LRP1B: variants seen among roughly 807,000 people sequenced by gnomAD.
LRP1B encodes the protein low-density lipoprotein receptor-related protein 1B.
Under a neutral mutation model 556.6 loss-of-function variants are expected in LRP1B, and 217 were observed. The observed-to-expected ratio is 0.39, with a 90% CI of 0.35 to 0.44. The LOEUF is 0.44. Among genes scored for constraint, LRP1B ranks in the 20% least tolerant of loss-of-function variants. The pLI is 1.00. For missense variants in LRP1B, 5,053 were observed against 5,620.8 expected, an observed-to-expected ratio of 0.90 and a Z score of 3.23; for synonymous variants, 2,047 against 1,865.8, an observed-to-expected ratio of 1.10 and a Z score of -2.50.
At chr2:141,424,367 C>T (rs2104970675) in intron 3 of LRP1B, among the ~76,000 whole-genome samples, 1 of 152,286 alleles carries the variant, frequency 6.6e-6, no homozygotes, top group East Asian at 1.9e-4. Flanking sequence ...CTGCCACAGC[C>T]TCCCAAAGTG....
At chr2:140,735,829 G>A (rs1395375973) in intron 35 of LRP1B, among the ~76,000 whole-genome samples, 1 of 152,154 alleles carries the variant, frequency 6.6e-6, no homozygotes, top group Non-Finnish European at 1.5e-5. Flanking sequence ...GGCCTCAAAA[G>A]GGAGGATAGA....
rs1435987644 is a variant in LRP1B at position 141,780,010 on chromosome 2, C to G, written c.205+30269G>C. ...TCTTTGGTCATGCTTCACAATATTT[C>G]TAGAAATTAAAGATTATAAACCTAG... is the stretch of plus-strand genomic sequence containing the variant. On this transcript the variant is annotated intron_variant, in intron 2 of 90. Coordinates refer to ENST00000389484, the MANE Select transcript of LRP1B (RefSeq NM_018557.3). Among the ~76,000 whole-genome samples the G allele has an allele frequency of 2.0e-5, 3 of 150,230 alleles. No individual in the cohort carries two copies. The Admixed American group carries it at 2.0e-4, about 10-fold the overall frequency.
chr2:141,676,787 A>G (rs777346237), intron 2 of LRP1B, among the ~76,000 whole-genome samples: 1 of 152,060 alleles, frequency 6.6e-6, no homozygotes, highest in African/African-American at 2.4e-5. Flanking sequence ...TCAATTTTGT[A>G]TTTCTCTTTA....
Position 141,408,141 on chromosome 2 carries a change from A to ATTTTT in LRP1B, c.343+72250_343+72254dup, listed in dbSNP as rs35914905. On this transcript the variant is annotated intron_variant, in intron 3 of 90. Transcript: ENST00000389484. ...TTAAAAATGCAAGGAATTTGGTTCA[A>ATTTTT]TTTTTTTTTTTTTTTTTTTGAGATG... 1.8e-4 allele frequency among the ~76,000 whole-genome samples: 22 copies of ATTTTT among 123,944 alleles called. 2 individuals are homozygous for ATTTTT. Among genetic ancestry groups the ATTTTT allele is most frequent in the Middle Eastern group, 9.6e-3 (2 of 208 alleles). 81.3% of individuals were successfully genotyped at this position (123,944 alleles called of 152,430 possible).
At chr2:141,509,092 T>C (rs1261584994) in intron 2 of LRP1B, among the ~76,000 whole-genome samples, 1 of 152,122 alleles carries the variant, frequency 6.6e-6, no homozygotes, top group African/African-American at 2.4e-5. Flanking sequence ...CGGGTATCCA[T>C]GTTTCCAATT....
chr2:142,019,442 C>T (rs954427618), intron 1 of LRP1B, among the ~76,000 whole-genome samples: 1 of 152,262 alleles, frequency 6.6e-6, no homozygotes, highest in East Asian at 1.9e-4. Context: ...GCCGTTTCTG[C>T]TCAGAAACTG....
intron 2 of LRP1B, among the ~76,000 whole-genome samples, chr2:141,643,361 T>G (rs1689417968): frequency 6.6e-6 from 1 of 152,044 alleles, no homozygotes; most frequent in South Asian, 2.1e-4. Flanking sequence ...AATTAAGTGG[T>G]AAAGGGTATT....
At chr2:141,356,570 T>A (rs919985799) in intron 3 of LRP1B, among the ~76,000 whole-genome samples, 1 of 132,434 alleles carries the variant, frequency 7.6e-6, no homozygotes, top group Admixed American at 7.2e-5. Flanking sequence ...CCTTTTGAGA[T>A]GATAAGAGGT....
rs760133840 is a variant in LRP1B at position 140,923,007 on chromosome 2, G to A, written c.3277C>T (p.Arg1093Ter). The A allele has an allele frequency of 1.9e-6, 3 of 1,612,970 alleles. No individual in the cohort carries two copies. Among genetic ancestry groups the A allele is most frequent in the East Asian group, 2.2e-5 (1 of 44,810 alleles). The change falls in exon 21 of 91, where the codon CGA becomes TGA. Residue 1093 changes from arginine to a stop codon, truncating the protein, a stop_gained. Coordinates refer to ENST00000389484, the MANE Select transcript of LRP1B (RefSeq NM_018557.3). LOFTEE classifies it high-confidence loss of function. ...SDEKGCNGTI[R>*]LCDHKTKFSC... ...AACTTGGTTTTGTGGTCACACAATC[G>A]TATGGTACCATTGCAACCTTTTTCA...
rs1686339650 is a variant in LRP1B, at chr2:141,300,240, A to C, written c.344-45599T>G. 2.0e-5 allele frequency among the ~76,000 whole-genome samples: 3 copies of C among 152,320 alleles called. 1 individual carries two copies. The highest frequency in any genetic ancestry group is 4.1e-4 in the South Asian group (2 of 4,832). ...CTATGGTACTCTGTGATATCAGCTA[A>C]AACTGACTAAGACAACTGCTTTGGA... On this transcript the variant is annotated intron_variant, in intron 3 of 90. Transcript: ENST00000389484.
At chr2:141,243,579 G>T (rs190741350) in intron 5 of LRP1B, among the ~76,000 whole-genome samples, 3 of 152,040 alleles carry the variant, frequency 2.0e-5, no homozygotes, top group Non-Finnish European at 2.9e-5. Flanking sequence ...TTGTAGTCTT[G>T]TATGTCTCCT....
intron 2 of LRP1B, among the ~76,000 whole-genome samples, chr2:141,549,869 C>A (rs1389074318): frequency 1.3e-5 from 2 of 152,078 alleles, no homozygotes; most frequent in Non-Finnish European, 2.9e-5. Context: ...GTGGTGCATG[C>A]CCATAATCCC....
intron 1 of LRP1B, among the ~76,000 whole-genome samples, chr2:141,902,936 A>G (rs1298344682): frequency 6.6e-6 from 1 of 151,950 alleles, no homozygotes; most frequent in African/African-American, 2.4e-5. Flanking sequence ...TAGAAAATAA[A>G]AAGTAGGCTA....
intron 11 of LRP1B, among the ~76,000 whole-genome samples, chr2:141,032,616 T>A (rs939115293): frequency 6.6e-6 from 1 of 152,002 alleles, no homozygotes; most frequent in African/African-American, 2.4e-5. Context: ...AAAATTTGTA[T>A]TTCTTCTTCT....
At chr2:140,534,517 C>G (rs540248878) in intron 46 of LRP1B, among the ~76,000 whole-genome samples, 1 of 152,142 alleles carries the variant, frequency 6.6e-6, no homozygotes, top group Non-Finnish European at 1.5e-5. Context: ...TTCCTATATC[C>G]TTTGCATCTA....
chr2:140,804,141 A>T (rs1480161717), intron 32 of LRP1B, among the ~76,000 whole-genome samples: 1 of 152,090 alleles, frequency 6.6e-6, no homozygotes, highest in Non-Finnish European at 1.5e-5. Context: ...GAGACTCCTT[A>T]AGGTGAACTA....
chr2:141,414,237 C>CAAA (rs775634408), intron 3 of LRP1B, among the ~76,000 whole-genome samples: 1 of 35,390 alleles, frequency 2.8e-5, no homozygotes, highest in Non-Finnish European at 5.7e-5. Context: ...GACTCTATCT[C>CAAA]AAAAAAAAAA....
chr2:141,859,474 A>T (rs1009200863), intron 1 of LRP1B, among the ~76,000 whole-genome samples: 5 of 152,224 alleles, frequency 3.3e-5, no homozygotes, highest in African/African-American at 1.2e-4. Context: ...GACCAATATC[A>T]GTAACTTAGG....
intron 2 of LRP1B, among the ~76,000 whole-genome samples, chr2:141,634,575 T>TC (rs1332035114): frequency 6.6e-6 from 1 of 152,006 alleles, no homozygotes; most frequent in African/African-American, 2.4e-5. Flanking sequence ...TTTCAATGCT[T>TC]CTCTTATAAA....
Sources: gnomAD v4.1 joint callset for allele counts (sites outside exome capture counted in the v4.1 genomes callset) on GRCh38, gnomAD v4.1.1 for gene constraint, MANE v1.5 for transcripts, NCBI Gene and HGNC (gene_info 2026-07-23, HGNC 2026-07-21) for gene names.